Variants in TMPRSS4 observed in about 807,000 individuals in gnomAD.
TMPRSS4 encodes transmembrane serine protease 4.
A neutral mutation model predicts 56.4 loss-of-function variants in TMPRSS4; 45 were observed. That is an observed-to-expected ratio of 0.80 (90% CI 0.63 to 1.02). The LOEUF (loss-of-function observed/expected upper bound fraction) is 1.02. Among genes scored for constraint, TMPRSS4 ranks in the 50% least tolerant of loss-of-function variants. The pLI, the probability that TMPRSS4 is intolerant of heterozygous loss-of-function variation, is 0.00. For missense variants in TMPRSS4, 546 were observed against 556.7 expected, an observed-to-expected ratio of 0.98 and a Z score of 0.19; for synonymous variants, 205 against 211.0, an observed-to-expected ratio of 0.97 and a Z score of 0.25.
At chr11:118,098,439 G>A (rs55747980) in intron 2 of TMPRSS4, among the ~76,000 whole-genome samples, 5,290 of 152,308 alleles carry the variant, frequency 0.035, 312 homozygotes, top group African/African-American at 0.12. Context: ...TCCCCCAGAT[G>A]GTAATCTCTT....
chr11:118,097,674 T>A (rs895807951), intron 2 of TMPRSS4, among the ~76,000 whole-genome samples: 1 of 152,174 alleles, frequency 6.6e-6, no homozygotes, highest in African/African-American at 2.4e-5. Context: ...ATGTAGTTAT[T>A]ATCACCTCTG....
intron 9 of TMPRSS4, 117 bp downstream of exon 9, chr11:118,113,552 C>A: frequency 8.2e-7 from 1 of 1,218,818 alleles, no homozygotes; most frequent in Non-Finnish European, 1.2e-6. Context: ...CCTCAGCTTG[C>A]CCATTTGTCT....
chr11:118,102,611 A>G (rs1328501326), intron 3 of TMPRSS4, among the ~76,000 whole-genome samples: 2 of 152,210 alleles, frequency 1.3e-5, no homozygotes, highest in African/African-American at 4.8e-5. Context: ...CAGGAGGCTG[A>G]GGCAGGAGAC....
At chr11:118,091,324 G>A (rs982603443) in intron 1 of TMPRSS4, among the ~76,000 whole-genome samples, 3 of 151,876 alleles carry the variant, frequency 2.0e-5, no homozygotes, top group African/African-American at 7.3e-5. Context: ...TTCCCACTTG[G>A]CTCCTTCTTG....
At chr11:118,093,622 G>A (rs989635390) in intron 1 of TMPRSS4, among the ~76,000 whole-genome samples, 4 of 152,174 alleles carry the variant, frequency 2.6e-5, no homozygotes, top group East Asian at 3.9e-4. Flanking sequence ...CACATGCGTC[G>A]ACGGCAGCCT....
In TMPRSS4 at chr11:118,120,659, T is replaced by C. The variant is rs1372528260; in HGVS notation, c.*2746T>C. ...GAGAACAAATGAACTGGAAGATAAA[T>C]TGAAGAAGTGACTAGGCTTAACAGC... On this transcript the variant is annotated 3_prime_UTR_variant, in exon 13 of 13. Coordinates refer to ENST00000437212, the MANE Select transcript of TMPRSS4 (RefSeq NM_019894.4). 6.6e-6 allele frequency: 1 copy of C among 152,092 alleles called. No homozygotes were observed. Among genetic ancestry groups the C allele is most frequent in the African/African-American group, 2.4e-5 (1 of 41,408 alleles). The allele number at this position is 152,092 out of a possible 1,614,324, so 9.4% of individuals were successfully genotyped here.
At chr11:118,093,839 T>C (rs1237131034) in intron 1 of TMPRSS4, among the ~76,000 whole-genome samples, 1 of 146,738 alleles carries the variant, frequency 6.8e-6, no homozygotes, top group Non-Finnish European at 1.5e-5. Flanking sequence ...TGGTAACCAC[T>C]ATTCTGACTT....
chr11:118,117,259 C>T (rs537079309), intron 11 of TMPRSS4, 46 bp from the exon 12 acceptor site: 6 of 1,606,828 alleles, frequency 3.7e-6, no homozygotes, highest in African/African-American at 1.3e-5. Context: ...GAAGCCCCCC[C>T]ACCTCACCTG....
chr11:118,079,311 C>T (rs1944946918), intron 1 of TMPRSS4, among the ~76,000 whole-genome samples: 1 of 152,170 alleles, frequency 6.6e-6, no homozygotes, highest in African/African-American at 2.4e-5. Context: ...CCTTCCCTTC[C>T]ATTCCCTACC....
rs951534197 is a variant in TMPRSS4 at position 118,119,306 on chromosome 11, T to C, written c.*1393T>C. On this transcript the variant is annotated 3_prime_UTR_variant, in exon 13 of 13. Transcript: ENST00000437212. Reference sequence around the variant, plus strand: ...GACAAGGGAGCTGAACCAGGGCTCCTACATGAAGCAGGGATAACTGATGGC... The same window carrying C: ...GACAAGGGAGCTGAACCAGGGCTCCCACATGAAGCAGGGATAACTGATGGC... The C allele has an allele frequency of 3.0e-6, 3 of 985,328 alleles. No individual in the cohort carries two copies. The African/African-American group carries it at 5.2e-5, about 17-fold the overall frequency. The allele number at this position is 985,328 out of a possible 1,614,324, so 61.0% of individuals were successfully genotyped here. A position where few individuals can be genotyped will look rare whatever the true frequency, so the allele number is the denominator to read the frequency against.
chr11:118,117,168 C>A, intron 11 of TMPRSS4, 137 bp from the exon 12 acceptor site: 1 of 875,830 alleles, frequency 1.1e-6, no homozygotes, highest in Non-Finnish European at 1.8e-6. Flanking sequence ...TGCTAATGAG[C>A]AAAGAGGGTG....
chr11:118,089,005 C>A (rs987789947), intron 1 of TMPRSS4, among the ~76,000 whole-genome samples: 11 of 152,190 alleles, frequency 7.2e-5, no homozygotes, highest in Admixed American at 3.3e-4. Context: ...CTGGTACCCA[C>A]ATCTCTCAGA....
intron 1 of TMPRSS4, among the ~76,000 whole-genome samples, chr11:118,079,601 C>T (rs80024890): frequency 0.016 from 2,483 of 152,330 alleles, 101 homozygotes; most frequent in East Asian, 0.11. Flanking sequence ...TAAACGCACC[C>T]TGAGCCACCA....
Position 118,119,901 on chromosome 11 carries a change from G to A in TMPRSS4, c.*1988G>A, listed in dbSNP as rs1026034933. On this transcript the variant is annotated 3_prime_UTR_variant, in exon 13 of 13. Coordinates refer to ENST00000437212, the MANE Select transcript of TMPRSS4 (RefSeq NM_019894.4). ...CAAGTTGCCATCTTCACCATTTTTA[G>A]GTGTATAGTTCAGTGGTGTTATGTA... The A allele has an allele frequency of 6.6e-6, 1 of 152,170 alleles. No individual in the cohort carries two copies. The highest frequency in any genetic ancestry group is 2.4e-5 in the African/African-American group (1 of 41,436). 9.4% of individuals were successfully genotyped at this position (152,170 alleles called of 1,614,324 possible).
At position 118,113,336 on chromosome 11, in the gene TMPRSS4, C is replaced by T; in HGVS notation, c.811C>T (p.Leu271=). 6 of 1,614,186 alleles carry T rather than the reference C, an allele frequency of 3.7e-6. No homozygotes were observed. The highest frequency in any genetic ancestry group is 4.2e-6 in the Non-Finnish European group (5 of 1,180,036). ...AGACAAACTGGGCAGCTTCCCATCCCTGGCTGTGGCCAAGATCATCATCAT... is the reference window on the plus strand; with the variant it reads ...AGACAAACTGGGCAGCTTCCCATCCTTGGCTGTGGCCAAGATCATCATCAT... ...GSDKLGSFPS[L]AVAKIIIIEF... is the part of the protein sequence containing the mutation. The change falls in exon 9 of 13, where the codon CTG becomes TTG. Residue 271 remains leucine (L), a synonymous_variant. Transcript: ENST00000437212.
chr11:118,090,821 A>AACACACACACACACAC (rs375243175), intron 1 of TMPRSS4, among the ~76,000 whole-genome samples: 4 of 140,342 alleles, frequency 2.9e-5, no homozygotes, highest in South Asian at 2.3e-4. Flanking sequence ...CACACACACA[A>AACACACACACACACAC]ACACACACAC....
chr11:118,122,808 G>A (rs1382259830), downstream of TMPRSS4, among the ~76,000 whole-genome samples: 1 of 152,166 alleles, frequency 6.6e-6, no homozygotes, highest in Non-Finnish European at 1.5e-5. Context: ...AAATTTGTAT[G>A]TTAAATCCTA....
Position 118,118,305 on chromosome 11 carries a change from G to A in TMPRSS4, c.*392G>A, listed in dbSNP as rs894567341. The A allele has an allele frequency of 1.1e-4, 118 of 1,090,122 alleles. No homozygotes were observed. The highest frequency in any genetic ancestry group is 1.9e-4 in the South Asian group (5 of 26,338). 67.5% of individuals were successfully genotyped at this position (1,090,122 alleles called of 1,614,324 possible). ...GAAAGGGTCTGCGCCAGCCCTGTCC[G>A]TCTTCACCCATCCCCAAGCCTACTA... On this transcript the variant is annotated 3_prime_UTR_variant, in exon 13 of 13. Transcript: ENST00000437212.
At chr11:118,113,771 A>G (rs1323465576) in intron 9 of TMPRSS4, among the ~76,000 whole-genome samples, 1 of 152,092 alleles carries the variant, frequency 6.6e-6, no homozygotes, top group Non-Finnish European at 1.5e-5. Flanking sequence ...ACTGACCAAC[A>G]CGCAAGAGCC....
Sources: gnomAD v4.1 joint callset for allele counts (sites outside exome capture counted in the v4.1 genomes callset) on GRCh38, gnomAD v4.1.1 for gene constraint, MANE v1.5 for transcripts, NCBI Gene and HGNC (gene_info 2026-07-23, HGNC 2026-07-21) for gene names.